The following CCDC178 variants were observed in gnomAD, a reference collection of about 807,000 sequenced individuals.
CCDC178 encodes coiled-coil domain containing 178.
CCDC178 carries 126 observed loss-of-function variants against 117.4 expected under a neutral mutation model. The observed-to-expected ratio is 1.07, with a 90% CI of 0.93 to 1.24. The LOEUF (loss-of-function observed/expected upper bound fraction) is 1.24, where lower values mean the gene tolerates loss of function less well. Ranked by LOEUF, CCDC178 falls within the 50% of genes most tolerant of loss-of-function variation. The pLI is 0.00. For synonymous variants in CCDC178, 283 were observed against 313.4 expected, an observed-to-expected ratio of 0.90 and a Z score of 1.02; for missense variants, 1,030 against 986.9, an observed-to-expected ratio of 1.04 and a Z score of -0.59.
At chr18:33,396,007 T>C (rs933615362) in intron 4 of CCDC178, among the ~76,000 whole-genome samples, 9 of 151,860 alleles carry the variant, frequency 5.9e-5, no homozygotes, top group Admixed American at 1.3e-4. Flanking sequence ...ATAAATAGAT[T>C]AAAAATAAAA....
chr18:33,246,950 T>C (rs373853851), intron 14 of CCDC178, among the ~76,000 whole-genome samples: 57 of 151,964 alleles, frequency 3.8e-4, no homozygotes, highest in African/African-American at 1.3e-3. Context: ...AATTTAAAGA[T>C]TGGTTAATTG....
chr18:33,000,930 C>T (rs1428561139), intron 21 of CCDC178, among the ~76,000 whole-genome samples: 1 of 152,078 alleles, frequency 6.6e-6, no homozygotes, highest in Non-Finnish European at 1.5e-5. Context: ...AATATTATGG[C>T]ACTGTAATTG....
At chr18:33,097,174 T>C (rs1328285686) in intron 20 of CCDC178, among the ~76,000 whole-genome samples, 1 of 152,108 alleles carries the variant, frequency 6.6e-6, no homozygotes, top group Non-Finnish European at 1.5e-5. Context: ...GGCTGGCTTA[T>C]ATAATAGAAA....
chr18:33,387,075 G>A (rs1021541867), intron 5 of CCDC178, among the ~76,000 whole-genome samples: 2 of 152,058 alleles, frequency 1.3e-5, no homozygotes, highest in Non-Finnish European at 2.9e-5. Context: ...GCCAACAACA[G>A]ACAAGCAGAG....
At position 33,333,157 on chromosome 18, in the gene CCDC178, T is replaced by C; in HGVS notation, c.879+17A>G. The C allele has an allele frequency of 1.4e-6, 2 of 1,426,780 alleles. No homozygotes were observed. Among genetic ancestry groups the C allele is most frequent in the African/African-American group, 1.4e-5 (1 of 70,210 alleles). The allele number at this position is 1,426,780 out of a possible 1,614,324, so 88.4% of individuals were successfully genotyped here. A position where few individuals can be genotyped will look rare whatever the true frequency, so the allele number is the denominator to read the frequency against. On this transcript the variant is annotated intron_variant, in intron 10 of 22. Coordinates refer to ENST00000383096, the MANE Select transcript of CCDC178 (RefSeq NM_001105528.4). ...TAAGTAATAATTTATGAAATGCTCATGCATTCGTTTATTTACCTCCATTTT... is the reference window on the plus strand; with the variant it reads ...TAAGTAATAATTTATGAAATGCTCACGCATTCGTTTATTTACCTCCATTTT...
chr18:33,139,354 C>T (rs1476671231), intron 20 of CCDC178, among the ~76,000 whole-genome samples: 4 of 152,100 alleles, frequency 2.6e-5, no homozygotes, highest in African/African-American at 9.7e-5. Context: ...GGGTAACAGG[C>T]TGAGGTTGGA....
chr18:33,266,882 T>C (rs774332339), intron 14 of CCDC178, 34 bp downstream of exon 14: 24 of 1,470,234 alleles, frequency 1.6e-5, no homozygotes, highest in Non-Finnish European at 2.1e-5. Context: ...TATTGGATTA[T>C]GGTATATAAG....
intron 4 of CCDC178, among the ~76,000 whole-genome samples, chr18:33,391,883 G>C (rs1207971344): frequency 6.7e-6 from 1 of 148,218 alleles, no homozygotes; most frequent in Non-Finnish European, 1.5e-5. Flanking sequence ...TTTTTTTTCT[G>C]AGGTGGAGTC....
intron 11 of CCDC178, among the ~76,000 whole-genome samples, chr18:33,321,666 C>G (rs2062510259): frequency 6.6e-6 from 1 of 151,014 alleles, no homozygotes; most frequent in Non-Finnish European, 1.5e-5. Context: ...GGATTTCCTA[C>G]TAAAAGAATA....
chr18:33,191,597 T>C (rs1014637610), intron 20 of CCDC178, among the ~76,000 whole-genome samples: 4 of 152,176 alleles, frequency 2.6e-5, no homozygotes, highest in African/African-American at 9.6e-5. Context: ...ACATTAGCAA[T>C]TTCACTTGGC....
chr18:33,221,482 G>A (rs2059233651), intron 18 of CCDC178, among the ~76,000 whole-genome samples: 1 of 152,124 alleles, frequency 6.6e-6, no homozygotes, highest in African/African-American at 2.4e-5. Context: ...TGTAGTGTGT[G>A]AGAATACTGG....
intron 21 of CCDC178, among the ~76,000 whole-genome samples, chr18:33,027,556 G>T (rs1209732970): frequency 6.6e-6 from 1 of 151,542 alleles, no homozygotes; most frequent in Non-Finnish European, 1.5e-5. Context: ...ATATCATAAA[G>T]CATCAACAAT....
At chr18:33,088,888 C>T (rs775605445) in intron 21 of CCDC178, among the ~76,000 whole-genome samples, 2 of 152,148 alleles carry the variant, frequency 1.3e-5, no homozygotes, top group Non-Finnish European at 2.9e-5. Context: ...AACATTTCTT[C>T]TACTTAATTG....
chr18:33,379,947 A>G (rs780787558), intron 5 of CCDC178, among the ~76,000 whole-genome samples: 5 of 152,160 alleles, frequency 3.3e-5, no homozygotes, highest in Admixed American at 2.0e-4. Flanking sequence ...TGCCTGGAGA[A>G]CTGGCTGGGT....
intron 6 of CCDC178, among the ~76,000 whole-genome samples, 190 bp from the exon 7 acceptor site, chr18:33,356,536 C>T (rs189002353): frequency 2.0e-4 from 31 of 151,802 alleles, no homozygotes; most frequent in Non-Finnish European, 4.1e-4. Context: ...AGTAGGTCCC[C>T]CCAACTCTTG....
intron 20 of CCDC178, among the ~76,000 whole-genome samples, chr18:33,179,131 C>CTATA (rs1393773242): frequency 2.6e-4 from 14 of 54,674 alleles, no homozygotes; most frequent in South Asian, 1.2e-3. Flanking sequence ...TATATATAAA[C>CTATA]TATATATATA....
At chr18:32,980,494 C>A (rs1473890408) in intron 21 of CCDC178, among the ~76,000 whole-genome samples, 1 of 147,530 alleles carries the variant, frequency 6.8e-6, no homozygotes, top group Non-Finnish European at 1.5e-5. Flanking sequence ...TGGCGTGAAC[C>A]CGGAAGGCGG....
Position 33,092,805 on chromosome 18 carries a change from CAT to C in CCDC178, c.2342_2343del (p.Tyr781Ter). On this transcript the variant is annotated frameshift_variant, in exon 21 of 23. Coordinates refer to ENST00000383096, the MANE Select transcript of CCDC178 (RefSeq NM_001105528.4). LOFTEE classifies it high-confidence loss of function. Reference protein sequence around the residue: ...LKEKDNYFNIYDKQLSLDTSI... With the variant: ...LKEKDNYFNIXDKQLSLDTSI... Reference sequence around the variant, plus strand: ...GAAGTATCAAGTGATAGCTGTTTATCATATATATTGAAATAATTGTCCTTTTC... The same window carrying C: ...GAAGTATCAAGTGATAGCTGTTTATCATATATTGAAATAATTGTCCTTTTC... The C allele has an allele frequency of 6.4e-7, 1 of 1,551,848 alleles. No individual in the cohort carries two copies.
chr18:33,031,247 T>A (rs1192504538), intron 21 of CCDC178, among the ~76,000 whole-genome samples: 3 of 151,956 alleles, frequency 2.0e-5, no homozygotes, highest in Non-Finnish European at 4.4e-5. Context: ...GGAGTTTTTT[T>A]TTTTTTTAAA....
Sources: allele counts gnomAD v4.1 joint callset (sites outside exome capture counted in the v4.1 genomes callset), GRCh38; gene constraint gnomAD v4.1.1; transcripts MANE v1.5; gene names NCBI Gene and HGNC (gene_info 2026-07-23, HGNC 2026-07-21).